Variants in SV2C observed in about 807,000 individuals in gnomAD.
SV2C encodes the protein synaptic vesicle glycoprotein 2C, also known as solute carrier family 22 member B3.
In SV2C, 49 loss-of-function variants were observed where a neutral mutation model predicts 79.7. That is an observed-to-expected ratio of 0.61 (90% CI 0.49 to 0.78). The LOEUF is 0.78. Ranked by LOEUF, SV2C falls within the 30% of genes least tolerant of loss-of-function variation. The pLI is 0.00. For missense variants in SV2C, 833 were observed against 912.9 expected, an observed-to-expected ratio of 0.91 and a Z score of 1.13; for synonymous variants, 334 against 333.2, an observed-to-expected ratio of 1.00 and a Z score of -0.03.
chr5:76,247,453 G>A (rs1447073318), intron 4 of SV2C, among the ~76,000 whole-genome samples: 1 of 152,244 alleles, frequency 6.6e-6, no homozygotes, highest in Non-Finnish European at 1.5e-5. Context: ...AGTGGATACT[G>A]TGAAGTGTGA....
chr5:76,348,980 CAG>C (rs778067281), intron 12 of SV2C, among the ~76,000 whole-genome samples: 62 of 150,558 alleles, frequency 4.1e-4, no homozygotes, highest in Non-Finnish European at 4.7e-4. Context: ...GCCTGGGCAA[CAG>C]AGTGAGACTC....
the SV2C span, among the ~76,000 whole-genome samples, chr5:75,912,072 A>G: frequency 1.3e-4 from 20 of 152,346 alleles, no homozygotes; most frequent in Non-Finnish European, 2.5e-4. Context: ...GCTGAGGAGA[A>G]GAGAACATTA....
chr5:76,312,266 G>T lies in SV2C; in HGVS notation c.2000+10721G>T, dbSNP rs370142721. On this transcript the variant is annotated intron_variant, in intron 12 of 12. Transcript: ENST00000502798. ...CTCAGGGGCCACTTTTTTTTTTTGGGGGGGGGGACAGGGTCTCACTCTGTC... is the reference window on the plus strand; with the variant it reads ...CTCAGGGGCCACTTTTTTTTTTTGGTGGGGGGGACAGGGTCTCACTCTGTC... Among the ~76,000 whole-genome samples the T allele has an allele frequency of 3.6e-4, 54 of 151,260 alleles. 1 individual carries two copies. Among genetic ancestry groups the T allele is most frequent in the Middle Eastern group, 6.9e-3 (2 of 290 alleles).
At chr5:76,074,436 G>T in the SV2C span, among the ~76,000 whole-genome samples, 2 of 152,132 alleles carry the variant, frequency 1.3e-5, no homozygotes, top group South Asian at 2.1e-4. Context: ...CCTTATCCTA[G>T]ATGTGCAGAT....
the SV2C span, among the ~76,000 whole-genome samples, chr5:75,881,316 T>C: frequency 2.0e-5 from 3 of 152,140 alleles, no homozygotes; most frequent in South Asian, 2.1e-4. Context: ...GCTACATCCT[T>C]GGTTTGCTGT....
chr5:76,229,170 C>T (rs1673064872), intron 4 of SV2C, among the ~76,000 whole-genome samples: 2 of 152,240 alleles, frequency 1.3e-5, no homozygotes, highest in African/African-American at 4.8e-5. Context: ...CATCCTCCAT[C>T]CTCCCCACTC....
At chr5:76,075,350 AT>A in the SV2C span, among the ~76,000 whole-genome samples, 1 of 152,260 alleles carries the variant, frequency 6.6e-6, no homozygotes, top group African/African-American at 2.4e-5. Flanking sequence ...TTACAAATCC[AT>A]GCCCAAACCA....
chr5:76,230,380 G>A (rs369000561), intron 4 of SV2C, among the ~76,000 whole-genome samples: 5 of 152,160 alleles, frequency 3.3e-5, no homozygotes, highest in Admixed American at 6.5e-5. Flanking sequence ...TATGGTCATG[G>A]GGAGGGTAAT....
the SV2C span, among the ~76,000 whole-genome samples, chr5:75,900,837 A>G: frequency 6.6e-6 from 1 of 151,950 alleles, no homozygotes; most frequent in African/African-American, 2.4e-5. Flanking sequence ...CATTCATTTC[A>G]TCTTCCATCA....
At chr5:75,982,181 G>A in the SV2C span, among the ~76,000 whole-genome samples, 1 of 150,318 alleles carries the variant, frequency 6.7e-6, no homozygotes, top group Non-Finnish European at 1.5e-5. Context: ...GTATGCATAT[G>A]TAACTAACCT....
chr5:76,341,920 C>T (rs1292831310), intron 12 of SV2C, among the ~76,000 whole-genome samples: 2 of 152,266 alleles, frequency 1.3e-5, no homozygotes, highest in Non-Finnish European at 1.5e-5. Context: ...TTTGCAGGAC[C>T]GAATAATTCC....
chr5:76,221,264 C>T (rs765090022), intron 4 of SV2C, among the ~76,000 whole-genome samples: 2 of 152,168 alleles, frequency 1.3e-5, no homozygotes, highest in Non-Finnish European at 2.9e-5. Flanking sequence ...CAGCAGAAGA[C>T]AAAGGAATCC....
intron 1 of SV2C, chr5:76,083,875 G>A (rs116515854): frequency 6.6e-6 from 1 of 152,370 alleles, no homozygotes; most frequent in Admixed American, 6.5e-5. Context: ...TGCTTGTGTG[G>A]TTTGACCGGC....
At chr5:75,929,849 C>T in the SV2C span, among the ~76,000 whole-genome samples, 1 of 152,126 alleles carries the variant, frequency 6.6e-6, no homozygotes, top group Admixed American at 6.5e-5. Context: ...AAGAAAACTA[C>T]GTTTTGTAAA....
At chr5:75,869,496 A>C in the SV2C span, among the ~76,000 whole-genome samples, 2 of 152,186 alleles carry the variant, frequency 1.3e-5, no homozygotes, top group African/African-American at 4.8e-5. Flanking sequence ...AGTAAAATAG[A>C]ACACCAGGTA....
chr5:76,094,814 A>G (rs1193933260), intron 1 of SV2C, among the ~76,000 whole-genome samples: 5 of 152,090 alleles, frequency 3.3e-5, no homozygotes, highest in African/African-American at 9.7e-5. Context: ...TTGAATTTTA[A>G]GAGTTCTTTG....
intron 2 of SV2C, among the ~76,000 whole-genome samples, chr5:76,191,021 C>T (rs972276683): frequency 1.4e-4 from 19 of 135,290 alleles, no homozygotes; most frequent in Non-Finnish European, 2.0e-4. Context: ...ATACGTGAGA[C>T]GGACTAATTT....
the SV2C span, among the ~76,000 whole-genome samples, chr5:75,947,656 G>A: frequency 2.0e-5 from 3 of 151,998 alleles, no homozygotes; most frequent in Non-Finnish European, 4.4e-5. Context: ...ATTTCTTCCT[G>A]AGTTACCCAA....
At chr5:76,204,367 CT>C (rs1452952152) in intron 3 of SV2C, among the ~76,000 whole-genome samples, 24 of 152,174 alleles carry the variant, frequency 1.6e-4, no homozygotes, top group Non-Finnish European at 2.2e-4. Flanking sequence ...TAATACTTGT[CT>C]TATAAAAGCT....
Sources: gnomAD v4.1 joint callset for allele counts (sites outside exome capture counted in the v4.1 genomes callset) on GRCh38, gnomAD v4.1.1 for gene constraint, MANE v1.5 for transcripts, NCBI Gene and HGNC (gene_info 2026-07-23, HGNC 2026-07-21) for gene names.